ANO2: variants seen among roughly 807,000 people sequenced by gnomAD.
ANO2 encodes anoctamin 2.
A neutral mutation model predicts 124.2 loss-of-function variants in ANO2; 101 were observed. The observed-to-expected ratio is 0.81, with a 90% confidence interval of 0.69 to 0.96. ANO2 has a LOEUF of 0.96. Among genes scored for constraint, ANO2 ranks in the 40% least tolerant of loss-of-function variants. The pLI, the probability that ANO2 is intolerant of heterozygous loss-of-function variation, is 0.00. For missense variants in ANO2, 1,293 were observed against 1,274.5 expected (o/e 1.01, Z -0.22); for synonymous variants, 486 against 482.5 (o/e 1.01, Z -0.09).
At chr12:5,709,663 C>T (rs1949739185) in intron 14 of ANO2, among the ~76,000 whole-genome samples, 1 of 152,220 alleles carries the variant, frequency 6.6e-6, no homozygotes, top group Non-Finnish European at 1.5e-5. Context: ...CCATACCCAG[C>T]TCTGTGTTCA....
chr12:5,659,753 C>T (rs969385382), intron 14 of ANO2, among the ~76,000 whole-genome samples: 1 of 152,192 alleles, frequency 6.6e-6, no homozygotes, highest in Non-Finnish European at 1.5e-5. Flanking sequence ...TGCAGCTCCA[C>T]TTTCTTTTTC....
At chr12:5,693,978 T>C (rs1949053039) in intron 14 of ANO2, among the ~76,000 whole-genome samples, 1 of 152,140 alleles carries the variant, frequency 6.6e-6, no homozygotes, top group African/African-American at 2.4e-5. Flanking sequence ...TATTATCTGG[T>C]ATTTATCTAT....
chr12:5,797,570 G>GCGCCCACTTC (rs1172177893), intron 10 of ANO2, among the ~76,000 whole-genome samples: 9 of 152,116 alleles, frequency 5.9e-5, no homozygotes, highest in Non-Finnish European at 7.3e-5. Context: ...TCTGACCCTA[G>GCGCCCACTTC]TGCTCCCCAC....
intron 14 of ANO2, among the ~76,000 whole-genome samples, chr12:5,675,315 T>G (rs1406146410): frequency 6.6e-6 from 1 of 152,218 alleles, no homozygotes; most frequent in Non-Finnish European, 1.5e-5. Flanking sequence ...CCCATCGTGC[T>G]TCCATGATAC....
chr12:5,926,627 C>T (rs1404076190), intron 1 of ANO2, among the ~76,000 whole-genome samples: 1 of 152,188 alleles, frequency 6.6e-6, no homozygotes, highest in African/African-American at 2.4e-5. Flanking sequence ...TATTTTGGTC[C>T]TTAGGGACCC....
chr12:5,932,806 A>T (rs900859909), intron 1 of ANO2, among the ~76,000 whole-genome samples: 1 of 152,232 alleles, frequency 6.6e-6, no homozygotes, highest in Non-Finnish European at 1.5e-5. Context: ...ACATGAAAGT[A>T]TGAAGAAGGA....
intron 7 of ANO2, among the ~76,000 whole-genome samples, chr12:5,827,347 A>G (rs960464850): frequency 2.0e-5 from 3 of 151,092 alleles, no homozygotes; most frequent in Admixed American, 1.3e-4. Flanking sequence ...GACAGTCATG[A>G]CCCCTCTCTG....
chr12:5,772,296 G>A (rs886807127), intron 10 of ANO2, among the ~76,000 whole-genome samples: 3 of 152,188 alleles, frequency 2.0e-5, no homozygotes, highest in Non-Finnish European at 1.5e-5. Context: ...TAAAAGGGAA[G>A]GGAGTTATTA....
chr12:5,637,954 C>T (rs142170599), intron 15 of ANO2, among the ~76,000 whole-genome samples: 149 of 152,244 alleles, frequency 9.8e-4, no homozygotes, highest in African/African-American at 3.4e-3. Context: ...AAAAGTGATG[C>T]AATTTGCTGA....
At position 5,853,798 on chromosome 12, in the gene ANO2, T is replaced by C. The variant is rs562454572; in HGVS notation, c.633+245A>G. Among the ~76,000 whole-genome samples the C allele has an allele frequency of 1.8e-4, 27 of 151,780 alleles. No homozygotes were observed. The East Asian group carries it at 4.5e-3, about 25-fold the overall frequency. ...GAAGAACACGGACAGGGACAATGTG[T>C]TGCTTCTCATGGAGCAAACCCAGCC... is the stretch of plus-strand genomic sequence containing the variant. On this transcript the variant is annotated intron_variant, in intron 4 of 24. Coordinates refer to ENST00000682330, the MANE Select transcript of ANO2 (RefSeq NM_001364791.2).
chr12:5,685,801 AAAAC>A (rs1948678159), intron 14 of ANO2, among the ~76,000 whole-genome samples: 1 of 63,262 alleles, frequency 1.6e-5, no homozygotes, highest in Non-Finnish European at 5.0e-5. Context: ...AACAAAACAA[AAAAC>A]ACAAAAAACA....
At chr12:5,939,255 C>T (rs913910382) in intron 1 of ANO2, among the ~76,000 whole-genome samples, 8 of 137,774 alleles carry the variant, frequency 5.8e-5, no homozygotes, top group Non-Finnish European at 9.5e-5. Flanking sequence ...TCCTCAAGAA[C>T]ACTTGATTCA....
intron 6 of ANO2, among the ~76,000 whole-genome samples, chr12:5,829,376 C>T (rs189568291): frequency 6.6e-6 from 1 of 152,194 alleles, no homozygotes; most frequent in East Asian, 1.9e-4. Flanking sequence ...GAGATCTATG[C>T]CCATTTTAAC....
chr12:5,896,293 CA>C lies in ANO2; in HGVS notation c.534+24746del, dbSNP rs558431378. Among the ~76,000 whole-genome samples, 6 of 151,830 alleles carry C rather than the reference CA, an allele frequency of 4.0e-5. No homozygotes were observed. In the East Asian group the frequency reaches 5.8e-4, roughly 15 times the overall value. On this transcript the variant is annotated intron_variant, in intron 3 of 24. Transcript: ENST00000682330. ...ATAAAAATATTAATCAAAACAAAAA[CA>C]AAAAAAGTATATCTGTTGTAATCCC...
chr12:5,666,916 C>T (rs1197576968), intron 14 of ANO2, among the ~76,000 whole-genome samples: 1 of 152,194 alleles, frequency 6.6e-6, no homozygotes, highest in Non-Finnish European at 1.5e-5. Flanking sequence ...ATCAGGTCTA[C>T]CCCCAGAAGG....
At chr12:5,618,690 T>C in intron 16 of ANO2, among the ~76,000 whole-genome samples, 1 of 152,218 alleles carries the variant, frequency 6.6e-6, no homozygotes, top group East Asian at 1.9e-4. Flanking sequence ...CAGTCTAACC[T>C]GATGCGCCTA....
At chr12:5,645,770 G>C (rs1056173371) in intron 15 of ANO2, among the ~76,000 whole-genome samples, 4 of 151,994 alleles carry the variant, frequency 2.6e-5, no homozygotes, top group Non-Finnish European at 4.4e-5. Flanking sequence ...ATTCTTTTGG[G>C]TGATTTTTTG....
At chr12:5,846,085 A>G (rs1463536400) in intron 4 of ANO2, among the ~76,000 whole-genome samples, 1 of 152,236 alleles carries the variant, frequency 6.6e-6, no homozygotes, top group African/African-American at 2.4e-5. Context: ...ACAAGCTTTA[A>G]AAGATGCTAA....
upstream of ANO2, chr12:5,945,329 G>C: frequency 3.0e-6 from 3 of 998,494 alleles, no homozygotes; most frequent in Non-Finnish European, 3.7e-6. Context: ...CCCGCCCCTC[G>C]CCGGCTGCCG....
Sources: gnomAD v4.1 joint callset for allele counts (sites outside exome capture counted in the v4.1 genomes callset) on GRCh38, gnomAD v4.1.1 for gene constraint, MANE v1.5 for transcripts, NCBI Gene and HGNC (gene_info 2026-07-23, HGNC 2026-07-21) for gene names.